EOGT: variants seen among roughly 807,000 people sequenced by gnomAD.
EOGT encodes the protein EGF domain-specific O-linked N-acetylglucosamine transferase.
A neutral mutation model predicts 70.5 loss-of-function variants in EOGT; 55 were observed. That is an observed-to-expected ratio of 0.78 (90% confidence interval 0.63 to 0.98). The LOEUF is 0.98. Ranked by LOEUF, EOGT falls within the 50% of genes least tolerant of loss-of-function variation. The pLI is 0.00. For synonymous variants in EOGT, 246 were observed against 217.1 expected, an observed-to-expected ratio of 1.13 and a Z score of -1.17; for missense variants, 703 against 641.9, an observed-to-expected ratio of 1.10 and a Z score of -1.03.
chr3:68,986,522 A>G (rs1462679240), intron 14 of EOGT, among the ~76,000 whole-genome samples: 3 of 152,150 alleles, frequency 2.0e-5, no homozygotes, highest in Non-Finnish European at 2.9e-5. Flanking sequence ...TGCTACAGTC[A>G]TATTGGTATT....
At chr3:68,981,678 G>A (rs991039998) in intron 15 of EOGT, among the ~76,000 whole-genome samples, 2 of 152,116 alleles carry the variant, frequency 1.3e-5, no homozygotes, top group Non-Finnish European at 2.9e-5. Context: ...TGTGTTAAGA[G>A]TTTTAAAAGA....
At chr3:68,990,764 T>C (rs748904487) in intron 10 of EOGT, among the ~76,000 whole-genome samples, 7 of 152,232 alleles carry the variant, frequency 4.6e-5, no homozygotes, top group Non-Finnish European at 1.0e-4. Context: ...GAAATATGCA[T>C]TGTAGCACTA....
At chr3:68,988,104 G>A (rs1207536737) in intron 13 of EOGT, among the ~76,000 whole-genome samples, 191 bp downstream of exon 13, 1 of 152,150 alleles carries the variant, frequency 6.6e-6, no homozygotes, top group Non-Finnish European at 1.5e-5. Flanking sequence ...TTGCAGAGAT[G>A]GGGTTTTGCC....
chr3:69,001,967 A>G (rs754149548), intron 8 of EOGT, among the ~76,000 whole-genome samples: 3 of 152,222 alleles, frequency 2.0e-5, no homozygotes, highest in Non-Finnish European at 4.4e-5. Flanking sequence ...AGAGGCAGTC[A>G]GATCACGAGG....
chr3:69,009,304 G>C (rs779248662), intron 4 of EOGT, among the ~76,000 whole-genome samples: 4 of 152,332 alleles, frequency 2.6e-5, no homozygotes, highest in African/African-American at 4.8e-5. Context: ...CTCATGTGCC[G>C]TTTAAGAAAG....
chr3:69,009,740 T>C lies in EOGT; in HGVS notation c.107A>G (p.Asn36Ser), dbSNP rs2091526535. ...CTCTGGCAAGCGGATGCTGGCATAG[T>C]TATACAGAGGTTCGCCTGGAATGCT... ...THSIPGEPLYNYASIRLPEEH... is the reference protein window; with the variant it reads ...THSIPGEPLYSYASIRLPEEH... The change falls in exon 4 of 18, where the codon AAC becomes AGC. Residue 36 changes from asparagine to serine, a missense_variant. Asn to Ser is a conservative substitution (Grantham distance 46). Coordinates refer to ENST00000383701, the MANE Select transcript of EOGT (RefSeq NM_001278689.2). 3 of 1,614,082 alleles carry C rather than the reference T, an allele frequency of 1.9e-6. No homozygotes were observed. The highest frequency in any genetic ancestry group is 2.5e-6 in the Non-Finnish European group (3 of 1,180,006).
chr3:68,996,966 T>C (rs1379858366), intron 10 of EOGT, among the ~76,000 whole-genome samples: 4 of 152,188 alleles, frequency 2.6e-5, no homozygotes, highest in Non-Finnish European at 4.4e-5. Context: ...TGGTGACTGT[T>C]CACACACTAC....
intron 10 of EOGT, among the ~76,000 whole-genome samples, chr3:68,993,094 T>C (rs1440860004): frequency 1.3e-5 from 2 of 152,204 alleles, no homozygotes; most frequent in African/African-American, 4.8e-5. Context: ...CTTGAAGACA[T>C]TTTCCTCATG....
Position 68,991,594 on chromosome 3 carries a change from A to C in EOGT, c.832-2577T>G, listed in dbSNP as rs541482484. Reference sequence around the variant, plus strand: ...TAGCCCTAAAGGTACTGACTTAAAAAGACATTCCACAGATAATACTAAGGT... The same window carrying C: ...TAGCCCTAAAGGTACTGACTTAAAACGACATTCCACAGATAATACTAAGGT... On this transcript the variant is annotated intron_variant, in intron 10 of 17. Transcript: ENST00000383701. Among the ~76,000 whole-genome samples, 17 of 152,348 alleles carry C rather than the reference A, an allele frequency of 1.1e-4. 1 individual carries two copies. In the South Asian group the frequency reaches 3.5e-3, roughly 32 times the overall value.
chr3:68,980,663 C>G (rs2090613270), intron 15 of EOGT, among the ~76,000 whole-genome samples: 1 of 152,248 alleles, frequency 6.6e-6, no homozygotes, highest in Non-Finnish European at 1.5e-5. Flanking sequence ...ACAACAAAAA[C>G]TCCGCATAGG....
At chr3:69,007,665 A>G (rs1349885621) in intron 6 of EOGT, 48 bp downstream of exon 6, 1 of 1,290,394 alleles carries the variant, frequency 7.7e-7, no homozygotes. Context: ...AATAAATAAA[A>G]TTAAAATTAA....
chr3:68,977,976 CACAA>C (rs1282376073), intron 17 of EOGT, among the ~76,000 whole-genome samples: 2 of 152,214 alleles, frequency 1.3e-5, no homozygotes, highest in Non-Finnish European at 2.9e-5. Flanking sequence ...CGTTGAAGTG[CACAA>C]ACAACTAGAG....
rs759083115 is a variant in EOGT at position 68,977,743 on chromosome 3, C to G, written c.1459G>C (p.Glu487Gln). The change falls in exon 18 of 18, where the codon GAG (glutamate) becomes CAG (glutamine). Residue 487 changes from glutamate to glutamine, a missense_variant. By Grantham distance (29) the Glu-to-Gln change is conservative (BLOSUM62 2). Transcript: ENST00000383701. The stretch of plus-strand genomic sequence containing the variant: ...GAGTAGTTGGTGAACTTCGGGTGCT[C>G]CCCCAGGGTTGGATGGTGGCCCTGT... ...QDKGHHPTLGEHPKFTNYSFD... is the reference protein window; with the variant it reads ...QDKGHHPTLGQHPKFTNYSFD... 1.9e-6 allele frequency: 3 copies of G among 1,612,840 alleles called. No individual in the cohort carries two copies. The highest frequency in any genetic ancestry group is 2.5e-6 in the Non-Finnish European group (3 of 1,179,512).
intron 10 of EOGT, among the ~76,000 whole-genome samples, chr3:68,997,585 T>C (rs557394822): frequency 2.6e-5 from 4 of 152,276 alleles, no homozygotes; most frequent in Admixed American, 2.0e-4. Flanking sequence ...GCCAGGCTAG[T>C]CTCGAACTCC....
At position 69,009,282 on chromosome 3, in the gene EOGT, C is replaced by T. The variant is rs530297101; in HGVS notation, c.210+355G>A. On this transcript the variant is annotated intron_variant, in intron 4 of 17. Coordinates refer to ENST00000383701, the MANE Select transcript of EOGT (RefSeq NM_001278689.2). ...GAGGTGTTATTACTGAAATTAAGTGCTAACCGATCCTCTCATGTGCCGTTT... is the reference window on the plus strand; with the variant it reads ...GAGGTGTTATTACTGAAATTAAGTGTTAACCGATCCTCTCATGTGCCGTTT... Among the ~76,000 whole-genome samples the T allele has an allele frequency of 2.6e-5, 4 of 152,292 alleles. No individual in the cohort carries two copies. In the South Asian group the frequency reaches 8.3e-4, roughly 32 times the overall value.
chr3:68,997,181 C>A (rs1380758657), intron 10 of EOGT, among the ~76,000 whole-genome samples: 1 of 152,222 alleles, frequency 6.6e-6, no homozygotes, highest in Non-Finnish European at 1.5e-5. Context: ...TCACTCAACA[C>A]ATGCATTTAT....
At chr3:69,004,334 T>C in intron 8 of EOGT, 44 bp downstream of exon 8, 1 of 1,448,928 alleles carries the variant, frequency 6.9e-7, no homozygotes, top group Non-Finnish European at 9.7e-7. Context: ...GTGCCGTAAA[T>C]AAAGGCAAAT....
At position 68,982,751 on chromosome 3, in the gene EOGT, C is replaced by T. The variant is rs957534219; in HGVS notation, c.1214+60G>A. The stretch of plus-strand genomic sequence containing the variant: ...CTCCCACTGGAAAAATGCTTTCTAG[C>T]CCCCTTGACCTCATCCAAGCAAAAG... On this transcript the variant is annotated intron_variant, in intron 15 of 17. Coordinates refer to ENST00000383701, the MANE Select transcript of EOGT (RefSeq NM_001278689.2). The T allele has an allele frequency of 2.5e-5, 32 of 1,269,410 alleles. No homozygotes were observed. In the South Asian group the frequency reaches 4.4e-4, roughly 17 times the overall value. 78.6% of individuals were successfully genotyped at this position (1,269,410 alleles called of 1,614,324 possible).
At chr3:69,009,930 CAA>C in intron 3 of EOGT, 70 bp from the exon 4 acceptor site, 31 of 466,016 alleles carry the variant, frequency 6.7e-5, no homozygotes, top group Non-Finnish European at 1.0e-4. Flanking sequence ...ACAACAACAA[CAA>C]CAAAAAAAAA....
Sources: gnomAD v4.1 joint callset for allele counts (sites outside exome capture counted in the v4.1 genomes callset) on GRCh38, gnomAD v4.1.1 for gene constraint, MANE v1.5 for transcripts, NCBI Gene and HGNC (gene_info 2026-07-23, HGNC 2026-07-21) for gene names.